Variants in NXPE2 observed in about 807,000 individuals in gnomAD.
NXPE2 encodes the protein neurexophilin and PC-esterase domain family member 2.
A neutral mutation model predicts 34.4 loss-of-function variants in NXPE2; 34 were observed. That is an observed-to-expected ratio of 0.99 (90% CI 0.75 to 1.31). The LOEUF is 1.31. NXPE2 is among the 40% of genes most tolerant of loss of function. NXPE2 has a pLI of 0.00. For synonymous variants in NXPE2, 235 were observed against 231.3 expected (o/e 1.02, Z -0.15); for missense variants, 649 against 672.5 (o/e 0.97, Z 0.39).
the NXPE2 span, among the ~76,000 whole-genome samples, chr11:114,607,117 G>A: frequency 8.9e-4 from 135 of 151,558 alleles, no homozygotes; most frequent in Middle Eastern, 0.014. Context: ...ACTGTTACCC[G>A]GTTTATAATA....
chr11:114,550,596 A>G, the NXPE2 span, among the ~76,000 whole-genome samples: 1 of 152,198 alleles, frequency 6.6e-6, no homozygotes, highest in African/African-American at 2.4e-5. Flanking sequence ...ATATTTATAG[A>G]CAATGTAACT....
chr11:114,779,873 G>A, the NXPE2 span, among the ~76,000 whole-genome samples: 22 of 152,176 alleles, frequency 1.4e-4, no homozygotes, highest in African/African-American at 4.3e-4. Context: ...ATTCCCTCGA[G>A]GTGAGTGACG....
intron 2 of NXPE2, among the ~76,000 whole-genome samples, chr11:114,683,385 C>A (rs1433347328): frequency 6.6e-6 from 1 of 150,826 alleles, no homozygotes; most frequent in Non-Finnish European, 1.5e-5. Context: ...TGATTATTGT[C>A]TATCCTTACC....
the NXPE2 span, among the ~76,000 whole-genome samples, chr11:114,638,314 T>C: frequency 0.012 from 1,873 of 152,178 alleles, 42 homozygotes; most frequent in African/African-American, 0.042. Context: ...TTCAGCTCCA[T>C]CAGCTCCTTT....
intron 2 of NXPE2, among the ~76,000 whole-genome samples, chr11:114,692,445 C>A (rs1212783246): frequency 6.6e-6 from 1 of 152,094 alleles, no homozygotes; most frequent in Non-Finnish European, 1.5e-5. Context: ...CAAAGTGGCT[C>A]CCACCTGAGT....
chr11:114,524,121 G>T, the NXPE2 span, among the ~76,000 whole-genome samples: 57 of 152,232 alleles, frequency 3.7e-4, no homozygotes, highest in African/African-American at 1.3e-3. Flanking sequence ...TATATCTAAA[G>T]TTCGGCTAGT....
chr11:114,545,401 T>C, the NXPE2 span, among the ~76,000 whole-genome samples: 1 of 152,150 alleles, frequency 6.6e-6, no homozygotes, highest in Middle Eastern at 3.2e-3. Flanking sequence ...AAATGAGCTA[T>C]CAATCCATGC....
chr11:114,738,036 G>A, the NXPE2 span, among the ~76,000 whole-genome samples: 3 of 152,162 alleles, frequency 2.0e-5, no homozygotes, highest in South Asian at 2.1e-4. Flanking sequence ...GCGGTGAGCC[G>A]AGATCGTGCC....
chr11:114,629,998 A>T, the NXPE2 span, among the ~76,000 whole-genome samples: 1 of 150,726 alleles, frequency 6.6e-6, no homozygotes, highest in Admixed American at 6.6e-5. Flanking sequence ...AGAACTACAA[A>T]CCACTGCTCA....
the NXPE2 span, among the ~76,000 whole-genome samples, chr11:114,616,636 A>C: frequency 2.6e-5 from 4 of 151,664 alleles, no homozygotes; most frequent in South Asian, 8.3e-4. Context: ...CCACTGGATA[A>C]TAAATGTTGC....
At chr11:114,772,876 T>G in the NXPE2 span, among the ~76,000 whole-genome samples, 1 of 152,174 alleles carries the variant, frequency 6.6e-6, no homozygotes, top group Non-Finnish European at 1.5e-5. Flanking sequence ...ATAGTCTGTC[T>G]CTCTTCATCA....
At chr11:114,759,755 A>G in the NXPE2 span, among the ~76,000 whole-genome samples, 1 of 152,242 alleles carries the variant, frequency 6.6e-6, no homozygotes, top group Non-Finnish European at 1.5e-5. Context: ...AGTGGTAGAT[A>G]GTAATTTATC....
chr11:114,731,792 A>G, the NXPE2 span, among the ~76,000 whole-genome samples: 5 of 152,238 alleles, frequency 3.3e-5, no homozygotes, highest in African/African-American at 1.2e-4. Context: ...AAGTAAGTAC[A>G]AATAAAACTA....
the NXPE2 span, among the ~76,000 whole-genome samples, chr11:114,663,593 CTATCTATCTATCTATCTATCTATCTATCT>C: frequency 0.01 from 976 of 95,724 alleles, 15 homozygotes; most frequent in African/African-American, 0.034. Flanking sequence ...TATCATCTAT[CTATCTATCTATCTATCTATCTATCTATCT>C]ATCTATCTAT....
At chr11:114,664,268 T>C in the NXPE2 span, among the ~76,000 whole-genome samples, 2 of 152,130 alleles carry the variant, frequency 1.3e-5, no homozygotes, top group Admixed American at 6.6e-5. Flanking sequence ...AAAAGGCTTA[T>C]ATAACATTCT....
chr11:114,693,247 T>A lies in NXPE2; in HGVS notation c.133-4798T>A. On this transcript the variant is annotated intron_variant, in intron 2 of 5. Transcript: ENST00000389586. ...TCTCCTTCAGGATGGGAAACCTTCT[T>A]CTTGCCCCATATTTGTGGCTGGAGG... 1.3e-5 allele frequency among the ~76,000 whole-genome samples: 2 copies of A among 152,192 alleles called. 1 individual carries two copies. Among genetic ancestry groups the A allele is most frequent in the Non-Finnish European group, 2.9e-5 (2 of 68,028 alleles).
At chr11:114,645,718 GA>G in the NXPE2 span, among the ~76,000 whole-genome samples, 1 of 151,954 alleles carries the variant, frequency 6.6e-6, no homozygotes, top group Non-Finnish European at 1.5e-5. Context: ...CATGAATAAA[GA>G]ATTCATATAA....
the NXPE2 span, among the ~76,000 whole-genome samples, chr11:114,624,175 G>C: frequency 2.0e-5 from 3 of 152,094 alleles, no homozygotes; most frequent in Non-Finnish European, 2.9e-5. Context: ...TTATATGGTA[G>C]ATAATAACTA....
chr11:114,519,155 T>G, the NXPE2 span, among the ~76,000 whole-genome samples: 1 of 152,204 alleles, frequency 6.6e-6, no homozygotes, highest in Non-Finnish European at 1.5e-5. Context: ...ATGACAAATG[T>G]TAAATTTGGA....
Sources: allele counts gnomAD v4.1 joint callset (sites outside exome capture counted in the v4.1 genomes callset), GRCh38; gene constraint gnomAD v4.1.1; transcripts MANE v1.5; gene names NCBI Gene and HGNC (gene_info 2026-07-23, HGNC 2026-07-21).